The following SETBP1 variants were observed in gnomAD, a reference collection of about 807,000 sequenced individuals.
The protein encoded by SETBP1 is SET-binding protein.
Under a neutral mutation model 101.0 loss-of-function variants are expected in SETBP1, and 9 were observed. The ratio of observed to expected loss-of-function variants is 0.09; its 90% CI spans 0.05 to 0.16. The LOEUF is 0.16. Among genes scored for constraint, SETBP1 ranks in the 10% least tolerant of loss-of-function variants. The pLI is 1.00. For synonymous variants in SETBP1, 818 were observed against 788.5 expected (o/e 1.04, Z -0.63); for missense variants, 1,858 against 2,033.8 (o/e 0.91, Z 1.66).
At position 44,850,560 on chromosome 18, in the gene SETBP1, A is replaced by G. The variant is rs577449705; in HGVS notation, c.487-18670A>G. 2.9e-3 allele frequency among the ~76,000 whole-genome samples: 443 copies of G among 152,114 alleles called. 2 individuals are homozygous for G. Among genetic ancestry groups the G allele is most frequent in the African/African-American group, 0.01 (430 of 41,490 alleles). ...TAATTTTTGTATTTTTAGTAGAGGCAGGGTTTCACCATATTGGTCAGGCTG... is the reference window on the plus strand; with the variant it reads ...TAATTTTTGTATTTTTAGTAGAGGCGGGGTTTCACCATATTGGTCAGGCTG... On this transcript the variant is annotated intron_variant, in intron 2 of 5. Transcript: ENST00000649279.
intron 1 of SETBP1, among the ~76,000 whole-genome samples, chr18:44,690,522 C>G (rs2068912614): frequency 6.6e-6 from 1 of 152,180 alleles, no homozygotes; most frequent in Non-Finnish European, 1.5e-5. Context: ...CTCATTGCCT[C>G]CAAGTATGTC....
At chr18:44,738,773 C>T in intron 2 of SETBP1, among the ~76,000 whole-genome samples, 1 of 79,758 alleles carries the variant, frequency 1.3e-5, no homozygotes, top group African/African-American at 5.0e-5. Flanking sequence ...GACTCCATCT[C>T]AAAAAAAAAA....
intron 2 of SETBP1, among the ~76,000 whole-genome samples, chr18:44,786,563 G>A (rs1231294146): frequency 6.6e-6 from 1 of 152,186 alleles, no homozygotes; most frequent in Non-Finnish European, 1.5e-5. Context: ...ATGCCTTCTT[G>A]GTAAAGATCA....
intron 3 of SETBP1, among the ~76,000 whole-genome samples, chr18:44,887,684 A>G (rs997658760): frequency 6.6e-6 from 1 of 152,170 alleles, no homozygotes; most frequent in Non-Finnish European, 1.5e-5. Context: ...AGGAGCAAGG[A>G]CAAGCTAGGA....
At chr18:45,007,570 C>T (rs146068697) in intron 4 of SETBP1, among the ~76,000 whole-genome samples, 357 of 152,232 alleles carry the variant, frequency 2.3e-3, no homozygotes, top group Non-Finnish European at 3.7e-3. Flanking sequence ...TGCACCAGGA[C>T]GCAGTCTCCT....
At chr18:44,993,327 A>T (rs972658818) in intron 4 of SETBP1, among the ~76,000 whole-genome samples, 1 of 152,084 alleles carries the variant, frequency 6.6e-6, no homozygotes, top group Non-Finnish European at 1.5e-5. Flanking sequence ...AAAGTAAAAC[A>T]AATTAAAAAT....
intron 3 of SETBP1, among the ~76,000 whole-genome samples, chr18:44,904,961 A>C (rs922145764): frequency 6.6e-6 from 1 of 152,224 alleles, no homozygotes. Flanking sequence ...TGACAAATGT[A>C]ATCTAGTGGT....
At chr18:44,717,324 C>T (rs896308503) in intron 2 of SETBP1, among the ~76,000 whole-genome samples, 6 of 152,350 alleles carry the variant, frequency 3.9e-5, no homozygotes, top group East Asian at 1.9e-4. Context: ...GCCAGGGAAA[C>T]GAGAGAGACA....
intron 4 of SETBP1, among the ~76,000 whole-genome samples, chr18:45,016,563 A>G (rs2072946027): frequency 6.6e-6 from 1 of 152,180 alleles, no homozygotes; most frequent in Admixed American, 6.5e-5. Flanking sequence ...TCCAAGGAAT[A>G]TGATTCACAC....
chr18:44,901,671 T>C (rs867687040), intron 3 of SETBP1, among the ~76,000 whole-genome samples: 1 of 152,142 alleles, frequency 6.6e-6, no homozygotes, highest in South Asian at 2.1e-4. Context: ...GAATCCAACC[T>C]TTCCTGTCAT....
chr18:44,712,941 T>A (rs2069375788), intron 2 of SETBP1, among the ~76,000 whole-genome samples: 1 of 148,872 alleles, frequency 6.7e-6, no homozygotes, highest in Non-Finnish European at 1.5e-5. Context: ...GCATTTCTCT[T>A]TCAGCATCCC....
intron 5 of SETBP1, among the ~76,000 whole-genome samples, chr18:45,057,210 A>G (rs1943398356): frequency 6.6e-6 from 1 of 152,104 alleles, no homozygotes. Context: ...ATCTTTTTCA[A>G]AAGAGCTTTT....
intron 2 of SETBP1, among the ~76,000 whole-genome samples, chr18:44,755,997 C>T (rs554821074): frequency 1.3e-5 from 2 of 152,042 alleles, no homozygotes; most frequent in African/African-American, 4.8e-5. Flanking sequence ...AGGTGGATCA[C>T]GAGGTCAGGA....
chr18:44,801,530 G>T (rs2071608195), intron 2 of SETBP1, among the ~76,000 whole-genome samples: 1 of 152,166 alleles, frequency 6.6e-6, no homozygotes, highest in South Asian at 2.1e-4. Flanking sequence ...GCCATACTCA[G>T]CAGTAGAAGC....
At chr18:44,827,545 C>T (rs965234294) in intron 2 of SETBP1, among the ~76,000 whole-genome samples, 1 of 152,174 alleles carries the variant, frequency 6.6e-6, no homozygotes, top group Non-Finnish European at 1.5e-5. Context: ...AAATGTATAT[C>T]ATTGACGGTC....
intron 3 of SETBP1, among the ~76,000 whole-genome samples, chr18:44,897,203 A>G (rs146273065): frequency 1.3e-5 from 2 of 152,238 alleles, no homozygotes; most frequent in Non-Finnish European, 1.5e-5. Context: ...TTGAAACCCA[A>G]ATTGGTGAGG....
intron 2 of SETBP1, among the ~76,000 whole-genome samples, chr18:44,813,148 T>G (rs2071899068): frequency 6.6e-6 from 1 of 152,186 alleles, no homozygotes; most frequent in Non-Finnish European, 1.5e-5. Context: ...CTGAGAGTCT[T>G]TCCCACTGAT....
At chr18:44,986,315 T>C (rs1421791922) in intron 4 of SETBP1, 1 of 152,196 alleles carries the variant, frequency 6.6e-6, no homozygotes, top group Non-Finnish European at 1.5e-5. Flanking sequence ...AGCGCACTTA[T>C]TGTGAACGGA....
At chr18:44,850,781 C>T (rs1191631294) in intron 2 of SETBP1, among the ~76,000 whole-genome samples, 2 of 152,234 alleles carry the variant, frequency 1.3e-5, no homozygotes, top group African/African-American at 4.8e-5. Context: ...CCCAACTTCT[C>T]CTGCTTCCCA....
Sources: allele counts gnomAD v4.1 joint callset (sites outside exome capture counted in the v4.1 genomes callset), GRCh38; gene constraint gnomAD v4.1.1; transcripts MANE v1.5; gene names NCBI Gene and HGNC (gene_info 2026-07-23, HGNC 2026-07-21).